ZNF875: variants seen among roughly 807,000 people sequenced by gnomAD.
ZNF875 encodes the protein zinc finger protein 875, also known as HKR1, GLI-Kruppel zinc finger family member.
Under a neutral mutation model 11.2 loss-of-function variants are expected in ZNF875, and 14 were observed. The ratio of observed to expected loss-of-function variants is 1.26; its 90% confidence interval spans 0.83 to 1.96. ZNF875 has a LOEUF of 1.96. Ranked by LOEUF, ZNF875 falls within the 30% of genes most tolerant of loss-of-function variation. ZNF875 has a pLI of 0.00. For synonymous variants in ZNF875, 301 were observed against 281.1 expected, an observed-to-expected ratio of 1.07 and a Z score of -0.71; for missense variants, 752 against 760.4, an observed-to-expected ratio of 0.99 and a Z score of 0.13.
At chr19:37,353,191 G>A (rs1243020920) in intron 4 of ZNF875, among the ~76,000 whole-genome samples, 1 of 152,050 alleles carries the variant, frequency 6.6e-6, no homozygotes, top group Non-Finnish European at 1.5e-5. Context: ...CGATCTTCAT[G>A]TTAATTTCTC....
rs2032225575 is a variant in ZNF875, at chr19:37,325,258, G to T, written c.-603+993G>T. Among the ~76,000 whole-genome samples, 3 of 152,182 alleles carry T rather than the reference G, an allele frequency of 2.0e-5. No individual in the cohort carries two copies. In the South Asian group the frequency reaches 6.2e-4, roughly 32 times the overall value. Reference sequence around the variant, plus strand: ...CCACACCCGAATCTCCTGGGTTCCCGCTGTCAGCACCCGAAGGTACCCACC... The same window carrying T: ...CCACACCCGAATCTCCTGGGTTCCCTCTGTCAGCACCCGAAGGTACCCACC... On this transcript the variant is annotated intron_variant, in intron 4 of 5. Coordinates refer to the ZNF875 transcript ENST00000544914.
chr19:37,332,175 C>G (rs547770447), upstream of ZNF875, among the ~76,000 whole-genome samples: 7 of 150,022 alleles, frequency 4.7e-5, no homozygotes, highest in South Asian at 1.3e-3. Context: ...TCCGCCTCTT[C>G]GAGAAACACC....
chr19:37,353,365 A>G (rs562390972), intron 4 of ZNF875, among the ~76,000 whole-genome samples: 1 of 152,158 alleles, frequency 6.6e-6, no homozygotes, highest in Admixed American at 6.5e-5. Flanking sequence ...TGCTGTTGTC[A>G]TATACATTAT....
intron 2 of ZNF875, among the ~76,000 whole-genome samples, chr19:37,338,226 G>A (rs141396636): frequency 1.3e-5 from 2 of 152,232 alleles, no homozygotes; most frequent in East Asian, 3.9e-4. Flanking sequence ...GGGTTCAAGC[G>A]ATTCTCCTGC....
At chr19:37,354,676 T>A (rs1271785319) in intron 4 of ZNF875, among the ~76,000 whole-genome samples, 1 of 152,204 alleles carries the variant, frequency 6.6e-6, no homozygotes. Flanking sequence ...AGTTTAACGG[T>A]ATTGAAAGGT....
upstream of ZNF875, among the ~76,000 whole-genome samples, chr19:37,331,411 A>G (rs1568572512): frequency 6.6e-6 from 1 of 151,714 alleles, no homozygotes; most frequent in Non-Finnish European, 1.5e-5. Flanking sequence ...AGCAAGAGAG[A>G]TCAGATTGTT....
At chr19:37,331,233 T>C, upstream of ZNF875, among the ~76,000 whole-genome samples, 1 of 4,210 alleles carries the variant, frequency 2.4e-4, no homozygotes, top group Non-Finnish European at 3.6e-4. Context: ...ACTCCTTGCT[T>C]TTTTTTTTTT....
In ZNF875 at chr19:37,363,535, G is replaced by T. The variant is rs2040331788; in HGVS notation, c.1683G>T (p.Val561=). 1 of 1,612,358 alleles carries T rather than the reference G, an allele frequency of 6.2e-7. No homozygotes were observed. Among genetic ancestry groups the T allele is most frequent in the East Asian group, 2.2e-5 (1 of 44,782 alleles). ...AGAGGGCACACTCAGGTGCCTTTGT[G>T]TGCAGGGAGTGTGGGCAAGGCTTTT... ...RHKRAHSGAF[V]CRECGQGFCA... is the part of the protein sequence containing the mutation. The change falls in exon 5 of 5, where the codon GTG becomes GTT. Residue 561 remains valine, a synonymous_variant. Transcript: ENST00000392153.
At chr19:37,343,995 A>G (rs1451886997) in intron 2 of ZNF875, among the ~76,000 whole-genome samples, 4 of 152,090 alleles carry the variant, frequency 2.6e-5, no homozygotes, top group African/African-American at 7.2e-5. Context: ...GGGTGCTTTC[A>G]TCTCTGCAGT....
At position 37,363,145 on chromosome 19, in the gene ZNF875, T is replaced by C. The variant is rs2040251826; in HGVS notation, c.1293T>C (p.Phe431=). ...PYVCTECGRH[F]SWKSNLKTHQ... is the part of the protein sequence containing the mutation. The stretch of plus-strand genomic sequence containing the variant: ...TATGCACAGAATGTGGGCGTCACTT[T>C]AGCTGGAAATCAAACCTCAAAACAC... Residue 431 remains phenylalanine (F), a synonymous_variant, in exon 5 of 5, where the codon TTT becomes TTC. Coordinates refer to ENST00000392153, the MANE Select transcript of ZNF875 (RefSeq NM_001353803.2). 32 of 1,613,842 alleles carry C rather than the reference T, an allele frequency of 2.0e-5. No individual in the cohort carries two copies. Among genetic ancestry groups the C allele is most frequent in the Non-Finnish European group, 2.7e-5 (32 of 1,179,994 alleles).
chr19:37,361,424 A>T (rs1344099901), intron 4 of ZNF875, among the ~76,000 whole-genome samples: 1 of 151,918 alleles, frequency 6.6e-6, no homozygotes, highest in Non-Finnish European at 1.5e-5. Flanking sequence ...AATATTTGCC[A>T]CTTCTTCTTT....
chr19:37,320,704 T>C (rs577911824), intron 1 of ZNF875, among the ~76,000 whole-genome samples: 2 of 152,290 alleles, frequency 1.3e-5, no homozygotes, highest in South Asian at 4.1e-4. Context: ...ATACCTGGCT[T>C]GGGATGTTGG....
chr19:37,358,133 C>CT (rs35011906), intron 4 of ZNF875: 2,208 of 85,528 alleles, frequency 0.026, 250 homozygotes, highest in African/African-American at 0.054. Context: ...TTAAGATGAT[C>CT]TTTTTTTTTT....
intron 2 of ZNF875, among the ~76,000 whole-genome samples, chr19:37,339,612 A>T (rs1266161773): frequency 7.8e-6 from 1 of 128,424 alleles, no homozygotes; most frequent in African/African-American, 3.1e-5. Context: ...TCAGGCTGGG[A>T]TGCAGTGGTG....
intron 2 of ZNF875, chr19:37,337,747 G>A (rs2034803982): frequency 6.6e-6 from 1 of 152,000 alleles, no homozygotes; most frequent in South Asian, 2.1e-4. Context: ...CCGGCCGAGG[G>A]GAAGCTTTTC....
rs781018982 is a variant in ZNF875 at position 37,363,828 on chromosome 19, T to C, written c.*53T>C. 9.6e-6 allele frequency: 14 copies of C among 1,463,310 alleles called. No homozygotes were observed. In the East Asian group the frequency reaches 3.2e-4, roughly 33 times the overall value. The allele number at this position is 1,463,310 out of a possible 1,614,324, so 90.6% of individuals were successfully genotyped here. ...ACAGCCTTTAGCCAGGAGTCATACT[T>C]CATCAGACACCAGAGGACACACACA... On this transcript the variant is annotated 3_prime_UTR_variant, in exon 5 of 5. Coordinates refer to ENST00000392153, the MANE Select transcript of ZNF875 (RefSeq NM_001353803.2).
chr19:37,344,564 T>G, intron 2 of ZNF875: 1 of 826,094 alleles, frequency 1.2e-6, no homozygotes, highest in Non-Finnish European at 2.1e-6. Context: ...TAAGGCTTCT[T>G]GTGGCCTGTT....
intron 1 of ZNF875, among the ~76,000 whole-genome samples, chr19:37,321,771 A>C (rs1345272435): frequency 6.6e-6 from 1 of 152,128 alleles, no homozygotes; most frequent in Non-Finnish European, 1.5e-5. Flanking sequence ...AGCACAGCAA[A>C]TCCACCCAGG....
At chr19:37,329,452 TC>T (rs1221044623) in intron 4 of ZNF875, among the ~76,000 whole-genome samples, 1 of 152,204 alleles carries the variant, frequency 6.6e-6, no homozygotes, top group Non-Finnish European at 1.5e-5. Context: ...ACTGACTCTC[TC>T]CATAAGTATT....
Sources: gnomAD v4.1 joint callset for allele counts (sites outside exome capture counted in the v4.1 genomes callset) on GRCh38, gnomAD v4.1.1 for gene constraint, MANE v1.5 for transcripts, NCBI Gene and HGNC (gene_info 2026-07-23, HGNC 2026-07-21) for gene names.